The following MS4A14 variants were observed in gnomAD, a reference collection of about 807,000 sequenced individuals.
MS4A14 encodes the protein membrane-spanning 4-domains subfamily A member 14.
MS4A14 carries 18 observed loss-of-function variants against 16.7 expected under a neutral mutation model. That is an observed-to-expected ratio of 1.08 (90% CI 0.75 to 1.60). The LOEUF is 1.60. Among genes scored for constraint, MS4A14 ranks in the 40% most tolerant of loss-of-function variants. MS4A14 has a pLI of 0.00. For synonymous variants in MS4A14, 305 were observed against 289.4 expected (o/e 1.05, Z -0.55); for missense variants, 812 against 775.3 (o/e 1.05, Z -0.56).
chr11:60,403,560 T>G (rs1251574114), intron 4 of MS4A14, among the ~76,000 whole-genome samples: 1 of 152,200 alleles, frequency 6.6e-6, no homozygotes, highest in Non-Finnish European at 1.5e-5. Context: ...AATAAGGATT[T>G]TTATAAGCTT....
rs1278582491 is a variant in MS4A14 at position 60,415,704 on chromosome 11, G to A, written c.736G>A (p.Glu246Lys). 10 of 1,613,882 alleles carry A rather than the reference G, an allele frequency of 6.2e-6. No individual in the cohort carries two copies. Among genetic ancestry groups the A allele is most frequent in the Non-Finnish European group, 8.5e-6 (10 of 1,179,872 alleles). Residue 246 changes from glutamate to lysine, a missense_variant, in exon 5 of 5, where the codon GAA (glutamate) becomes AAA (lysine). Transcript: ENST00000300187. The part of the protein sequence containing the change: ...SILPSPKFSE[E>K]EIEPLPPTLE... ...CCTTCCATCTCCCAAATTTTCAGAG[G>A]AAGAAATTGAACCTTTGCCTCCCAC...
At chr11:60,397,750 TGGAG>T (rs1031771240) in intron 1 of MS4A14, 98 bp from the exon 2 acceptor site, 2 of 1,085,466 alleles carry the variant, frequency 1.8e-6, no homozygotes, top group African/African-American at 3.2e-5. Context: ...GGCATTTGGA[TGGAG>T]GGAAAGGTGT....
intron 4 of MS4A14, among the ~76,000 whole-genome samples, chr11:60,412,792 A>G (rs1206738246): frequency 1.3e-5 from 2 of 151,948 alleles, no homozygotes; most frequent in Non-Finnish European, 2.9e-5. Flanking sequence ...TAAATCTTCC[A>G]ACTTTGTTAT....
At chr11:60,401,041 T>G (rs532782446) in intron 3 of MS4A14, among the ~76,000 whole-genome samples, 4 of 152,342 alleles carry the variant, frequency 2.6e-5, no homozygotes, top group African/African-American at 9.6e-5. Flanking sequence ...AGAAAGAGTT[T>G]GGGCATCAAT....
chr11:60,398,050 G>A (rs2085656187), intron 2 of MS4A14, 70 bp downstream of exon 2: 1 of 1,546,366 alleles, frequency 6.5e-7, no homozygotes, highest in African/African-American at 1.4e-5. Context: ...TCACGTCCTA[G>A]GGTAATGAAT....
chr11:60,402,960 A>G lies in MS4A14; in HGVS notation c.367A>G (p.Thr123Ala), dbSNP rs375247098. The G allele has an allele frequency of 6.2e-7, 1 of 1,613,748 alleles. No individual in the cohort carries two copies. Among genetic ancestry groups the G allele is most frequent in the African/African-American group, 1.3e-5 (1 of 74,914 alleles). Residue 123 changes from threonine (T) to alanine (A), a missense_variant, in exon 4 of 5, where the codon ACT becomes GCT. Transcript: ENST00000300187. ...MNVISSLVAI[T>A]GITFTILSYR... ...TGTTATCAGCTCCTTGGTTGCGATA[A>G]CTGGGATTACTTTCACCATTCTCAG...
At chr11:60,409,994 A>G (rs978881546) in intron 4 of MS4A14, among the ~76,000 whole-genome samples, 2 of 152,196 alleles carry the variant, frequency 1.3e-5, no homozygotes, top group African/African-American at 4.8e-5. Flanking sequence ...GATGAAAGGC[A>G]TGTGCCACCA....
chr11:60,401,993 C>T (rs560047843), intron 3 of MS4A14, among the ~76,000 whole-genome samples: 16 of 152,230 alleles, frequency 1.1e-4, no homozygotes, highest in Middle Eastern at 3.4e-3. Flanking sequence ...TTTTCCACCA[C>T]GGTAGTCATA....
intron 4 of MS4A14, among the ~76,000 whole-genome samples, chr11:60,405,297 G>A (rs7946122): frequency 0.6 from 91,236 of 151,856 alleles, 27,895 homozygotes; most frequent in Middle Eastern, 0.77. Context: ...CAGGCTGGTC[G>A]CAAACTCCCA....
intron 4 of MS4A14, among the ~76,000 whole-genome samples, chr11:60,413,232 T>TA (rs1306919866): frequency 6.6e-6 from 1 of 151,916 alleles, no homozygotes; most frequent in African/African-American, 2.4e-5. Context: ...AGCTTTTTTT[T>TA]AATAGAGTTT....
intron 3 of MS4A14, among the ~76,000 whole-genome samples, chr11:60,402,023 A>T (rs963106634): frequency 6.6e-6 from 1 of 152,224 alleles, no homozygotes; most frequent in Non-Finnish European, 1.5e-5. Context: ...ATAAAGGTAC[A>T]GCAAATACCT....
chr11:60,405,261 T>G (rs1171779793), intron 4 of MS4A14, among the ~76,000 whole-genome samples: 1 of 152,138 alleles, frequency 6.6e-6, no homozygotes, highest in Non-Finnish European at 1.5e-5. Context: ...GTATTTTTAG[T>G]AGAGACGGGG....
chr11:60,416,362 T>C lies in MS4A14; in HGVS notation c.1394T>C (p.Met465Thr). The C allele has an allele frequency of 6.8e-6, 11 of 1,613,966 alleles. No individual in the cohort carries two copies. Among genetic ancestry groups the C allele is most frequent in the Non-Finnish European group, 9.3e-6 (11 of 1,179,942 alleles). Residue 465 changes from methionine to threonine, a missense_variant, in exon 5 of 5, where the codon ATG becomes ACG. Transcript: ENST00000300187. ...MSYQDIRSEV[M>T]EETKEWKSEE... Reference sequence around the variant, plus strand: ...TATCAAGATATTAGATCAGAAGTTATGGAAGAGACCAAAGAATGGAAATCT... The same window carrying C: ...TATCAAGATATTAGATCAGAAGTTACGGAAGAGACCAAAGAATGGAAATCT...
chr11:60,399,752 A>G (rs1390637230), intron 2 of MS4A14, among the ~76,000 whole-genome samples: 1 of 152,118 alleles, frequency 6.6e-6, no homozygotes, highest in Non-Finnish European at 1.5e-5. Context: ...TTGGCAATCC[A>G]ATGTGGGGAG....
chr11:60,405,925 G>C, intron 4 of MS4A14: 2 of 1,535,168 alleles, frequency 1.3e-6, no homozygotes, highest in Non-Finnish European at 1.7e-6. Flanking sequence ...CAGCATAGCA[G>C]AGCTCAGCAT....
chr11:60,406,921 T>C (rs2085794378), intron 4 of MS4A14, among the ~76,000 whole-genome samples: 1 of 150,890 alleles, frequency 6.6e-6, no homozygotes, highest in South Asian at 2.2e-4. Context: ...AGAAATATGT[T>C]TTTGAGAGTC....
intron 2 of MS4A14, among the ~76,000 whole-genome samples, chr11:60,399,981 G>A (rs1334004209): frequency 1.3e-5 from 2 of 152,074 alleles, no homozygotes; most frequent in Admixed American, 6.6e-5. Context: ...GGAAATGAGG[G>A]ACTCTGATAA....
chr11:60,401,397 A>G (rs2085711304), intron 3 of MS4A14, among the ~76,000 whole-genome samples: 1 of 152,180 alleles, frequency 6.6e-6, no homozygotes, highest in African/African-American at 2.4e-5. Flanking sequence ...GAAGCCCCAA[A>G]TGCTGTTCTC....
At chr11:60,398,072 G>A in intron 2 of MS4A14, 92 bp downstream of exon 2, 1 of 1,424,544 alleles carries the variant, frequency 7.0e-7, no homozygotes, top group Non-Finnish European at 9.4e-7. Context: ...CCATAAATAT[G>A]GCCCTCCAGG....
Sources: gnomAD v4.1 joint callset for allele counts (sites outside exome capture counted in the v4.1 genomes callset) on GRCh38, gnomAD v4.1.1 for gene constraint, MANE v1.5 for transcripts, NCBI Gene and HGNC (gene_info 2026-07-23, HGNC 2026-07-21) for gene names.